Variants in LYPLA1 observed in about 807,000 individuals in gnomAD.
LYPLA1 encodes the protein lysophospholipase 1, also known as acyl-protein thioesterase 1.
LYPLA1 carries 17 observed loss-of-function variants against 34.0 expected under a neutral mutation model. The ratio of observed to expected loss-of-function variants is 0.50; its 90% CI spans 0.34 to 0.75. LYPLA1 has a LOEUF of 0.75. Ranked by LOEUF, LYPLA1 falls within the 30% of genes least tolerant of loss-of-function variation. The probability of loss-of-function intolerance (pLI) is 0.01; values close to 1 mark genes in which losing one functional copy is unlikely to be tolerated. For missense variants in LYPLA1, 203 were observed against 288.8 expected, an observed-to-expected ratio of 0.70 and a Z score of 2.15; for synonymous variants, 98 against 100.8, an observed-to-expected ratio of 0.97 and a Z score of 0.17.
intron 1 of LYPLA1, 52 bp from the exon 2 acceptor site, chr8:54,100,991 G>A (rs1006784379): frequency 2.1e-6 from 3 of 1,440,314 alleles, no homozygotes; most frequent in Middle Eastern, 1.7e-4. Context: ...GCCCACACAG[G>A]ATTGTTACAC....
At chr8:54,091,867 C>T (rs1809304820) in intron 2 of LYPLA1, among the ~76,000 whole-genome samples, 1 of 152,144 alleles carries the variant, frequency 6.6e-6, no homozygotes, top group Non-Finnish European at 1.5e-5. Context: ...GATGGGAAGA[C>T]AGTTTGAGCC....
intron 6 of LYPLA1, 48 bp from the exon 7 acceptor site, chr8:54,052,804 C>T (rs771872891): frequency 4.5e-5 from 53 of 1,186,746 alleles, no homozygotes; most frequent in South Asian, 1.0e-4. Flanking sequence ...TGCTTGCCCA[C>T]AGCAATTTAG....
intron 2 of LYPLA1, among the ~76,000 whole-genome samples, chr8:54,085,783 C>A (rs868019545): frequency 1.5e-5 from 2 of 131,138 alleles, no homozygotes; most frequent in Admixed American, 7.4e-5. Flanking sequence ...GCCCCCACCC[C>A]GGCCAGCCGC....
intron 3 of LYPLA1, among the ~76,000 whole-genome samples, chr8:54,065,412 C>G (rs879935164): frequency 4.6e-5 from 7 of 151,788 alleles, no homozygotes; most frequent in Non-Finnish European, 1.0e-4. Context: ...GAGCCGAGAT[C>G]ACGCCACTGC....
At chr8:54,082,945 C>G (rs951741210) in intron 2 of LYPLA1, among the ~76,000 whole-genome samples, 31 of 152,266 alleles carry the variant, frequency 2.0e-4, no homozygotes, top group African/African-American at 7.2e-4. Flanking sequence ...CCAGGATGGT[C>G]TCGATCTCCT....
Position 54,078,858 on chromosome 8 carries a change from A to G in LYPLA1, c.102-13045T>C, listed in dbSNP as rs1256886609. On this transcript the variant is annotated intron_variant, in intron 2 of 8. Transcript: ENST00000316963. ...TGATTCAAGTACATATTACAGGTCT[A>G]TGCAAGTCTATGTTCAACAACCCCC... 9.9e-5 allele frequency among the ~76,000 whole-genome samples: 15 copies of G among 151,896 alleles called. No homozygotes were observed. In the East Asian group the frequency reaches 2.1e-3, roughly 22 times the overall value.
In LYPLA1 at chr8:54,081,592, C is replaced by T. The variant is rs182586169; in HGVS notation, c.102-15779G>A. The stretch of plus-strand genomic sequence containing the variant: ...CCTCCCGAGTAGCTGGGATTACAAG[C>T]GCGCCACCATGACAGGGTTTCACCA... On this transcript the variant is annotated intron_variant, in intron 2 of 8. Coordinates refer to ENST00000316963, the MANE Select transcript of LYPLA1 (RefSeq NM_006330.4). Among the ~76,000 whole-genome samples the T allele has an allele frequency of 6.6e-5, 10 of 152,162 alleles. 1 individual carries two copies. The highest frequency in any genetic ancestry group is 4.6e-4 in the Admixed American group (7 of 15,266).
In LYPLA1 at chr8:54,052,660, G is replaced by A. The variant is rs11549448; in HGVS notation, c.457C>T (p.Pro153Ser). The A allele has an allele frequency of 5.0e-3, 8,115 of 1,612,002 alleles. 347 individuals carry two copies. The African/African-American group carries it at 0.096, about 19-fold the overall frequency. ...SCWLPLRASF[P>S]QGPIGGANRD... ...GAGTGCATCAACCAAGTTACCTGTG[G>A]AAAGGAAGCCCGAAGTGGAAGCCAG... is the stretch of plus-strand genomic sequence containing the variant. The change falls in exon 7 of 9, where the codon CCA becomes TCA. Residue 153 changes from proline to serine, a missense_variant. Physicochemically the swap from Pro to Ser is moderately conservative, Grantham distance 74 (BLOSUM62 -1). Transcript: ENST00000316963.
chr8:54,085,137 C>T (rs1808618001), intron 2 of LYPLA1, among the ~76,000 whole-genome samples: 2 of 152,254 alleles, frequency 1.3e-5, no homozygotes, highest in Admixed American at 6.5e-5. Flanking sequence ...AAGGCGCGCA[C>T]TGCCACGCCT....
intron 2 of LYPLA1, among the ~76,000 whole-genome samples, chr8:54,087,313 G>T (rs1269619626): frequency 1.3e-5 from 2 of 152,168 alleles, no homozygotes; most frequent in Non-Finnish European, 2.9e-5. Flanking sequence ...ATACTTGGAG[G>T]AATAATTTAA....
At chr8:54,051,743 C>T (rs1246647462) in intron 7 of LYPLA1, among the ~76,000 whole-genome samples, 2 of 152,128 alleles carry the variant, frequency 1.3e-5, no homozygotes, top group African/African-American at 2.4e-5. Context: ...GCCACTGCAC[C>T]CAGCCAAGCA....
chr8:54,056,384 G>T (rs1806206950), intron 5 of LYPLA1, among the ~76,000 whole-genome samples: 1 of 152,066 alleles, frequency 6.6e-6, no homozygotes, highest in African/African-American at 2.4e-5. Flanking sequence ...ATTGGTCTGG[G>T]CAAAAATTTC....
chr8:54,066,858 C>G (rs183344368), intron 2 of LYPLA1, among the ~76,000 whole-genome samples: 2 of 152,104 alleles, frequency 1.3e-5, no homozygotes, highest in African/African-American at 4.8e-5. Context: ...AACATCTCTA[C>G]ATGCTTACTA....
intron 2 of LYPLA1, among the ~76,000 whole-genome samples, chr8:54,094,428 C>T (rs906898927): frequency 2.0e-5 from 3 of 152,128 alleles, no homozygotes; most frequent in African/African-American, 7.2e-5. Context: ...TTGGCCAGAA[C>T]CCCCCAAGAA....
downstream of LYPLA1, among the ~76,000 whole-genome samples, chr8:54,043,629 G>C (rs1450253745): frequency 2.6e-5 from 4 of 151,944 alleles, no homozygotes; most frequent in East Asian, 7.7e-4. Flanking sequence ...GTGCAATGGT[G>C]CAAAATCGGT....
At chr8:54,065,701 T>C (rs1177331834) in intron 3 of LYPLA1, 47 bp downstream of exon 3, 2 of 1,458,874 alleles carry the variant, frequency 1.4e-6, no homozygotes, top group Non-Finnish European at 1.9e-6. Context: ...TCACAATTGC[T>C]CCTCTCCAGA....
intron 2 of LYPLA1, among the ~76,000 whole-genome samples, chr8:54,077,294 G>A (rs1807980776): frequency 6.6e-6 from 1 of 152,020 alleles, no homozygotes; most frequent in Non-Finnish European, 1.5e-5. Flanking sequence ...TAAATAACAA[G>A]AACACATGGA....
downstream of LYPLA1, among the ~76,000 whole-genome samples, chr8:54,044,239 A>G (rs780471681): frequency 5.3e-5 from 8 of 151,962 alleles, no homozygotes; most frequent in Non-Finnish European, 1.0e-4. Context: ...GCTGTAGGTA[A>G]ATCATTCCCT....
At chr8:54,100,690 T>G (rs1232358809) in intron 2 of LYPLA1, 1 of 540,144 alleles carries the variant, frequency 1.9e-6, no homozygotes, top group Non-Finnish European at 3.3e-6. Context: ...AATTTTAATA[T>G]GTTCCAGAAA....
Sources: allele counts gnomAD v4.1 joint callset (sites outside exome capture counted in the v4.1 genomes callset), GRCh38; gene constraint gnomAD v4.1.1; transcripts MANE v1.5; gene names NCBI Gene and HGNC (gene_info 2026-07-23, HGNC 2026-07-21).